STAB1: variants seen among roughly 807,000 people sequenced by gnomAD.
STAB1 encodes the protein stabilin 1, also known as stabilin-1.
Under a neutral mutation model 332.4 loss-of-function variants are expected in STAB1, and 250 were observed. That is an observed-to-expected ratio of 0.75 (90% CI 0.68 to 0.84). The LOEUF (loss-of-function observed/expected upper bound fraction) is 0.84. STAB1 is among the 40% of genes least tolerant of loss of function. The pLI, the probability that STAB1 is intolerant of heterozygous loss-of-function variation, is 0.00. For missense variants in STAB1, 3,249 were observed against 3,489.7 expected, an observed-to-expected ratio of 0.93 and a Z score of 1.74; for synonymous variants, 1,475 against 1,390.4, an observed-to-expected ratio of 1.06 and a Z score of -1.35.
intron 6 of STAB1, 96 bp downstream of exon 6, chr3:52,502,823 G>A: frequency 7.2e-7 from 1 of 1,391,038 alleles, no homozygotes; most frequent in South Asian, 1.2e-5. Context: ...GCCTCAGCAG[G>A]ACCTCCGCCT....
In STAB1 at chr3:52,509,865, T is replaced by C; in HGVS notation, c.2348-5T>C. 1.2e-6 allele frequency: 2 copies of C among 1,612,984 alleles called. No individual in the cohort carries two copies. Among genetic ancestry groups the C allele is most frequent in the Non-Finnish European group, 8.5e-7 (1 of 1,180,004 alleles). ...AGTTTCCTTGCTCCCATCTACTCCA[T>C]ACAGACTGCGGCTGTGTCCATGGTC... On this transcript the variant is annotated splice_polypyrimidine_tract_variant and splice_region_variant and intron_variant, in intron 22 of 68. Transcript: ENST00000321725.
At chr3:52,512,151 T>C (rs1709342252) in intron 26 of STAB1, among the ~76,000 whole-genome samples, 190 bp from the exon 27 acceptor site, 1 of 152,186 alleles carries the variant, frequency 6.6e-6, no homozygotes, top group African/African-American at 2.4e-5. Flanking sequence ...GTAATGCTTG[T>C]GTCAAATGCC....
chr3:52,511,685 T>C lies in STAB1; in HGVS notation c.2823T>C (p.Asp941=). 1 of 1,610,966 alleles carries C rather than the reference T, an allele frequency of 6.2e-7. No individual in the cohort carries two copies. Among genetic ancestry groups the C allele is most frequent in the Non-Finnish European group, 8.5e-7 (1 of 1,178,786 alleles). Residue 941 remains aspartate, a synonymous_variant, in exon 26 of 69, where the codon GAT becomes GAC. Coordinates refer to ENST00000321725, the MANE Select transcript of STAB1 (RefSeq NM_015136.3). ...CCTGCAAGCTGGGCTTTGCCGGGGA[T>C]GGCTACCAGTGCAGCCCCATCGACC... ...RCTCKLGFAG[D]GYQCSPIDPC... is the part of the protein sequence containing the mutation.
rs1333786430 is a variant in STAB1 at position 52,504,114 on chromosome 3, G to T, written c.1109G>T (p.Gly370Val). ...GAGGTGCAGAAGGCCACGCAGACAG[G>T]CCGGGTGTTCCTGCAGCTGAGGGTC... The part of the protein sequence containing the change: ...LHEVQKATQT[G>V]RVFLQLRVAV... Residue 370 changes from glycine (G) to valine (V), a missense_variant, in exon 10 of 69, where the codon GGC (glycine) becomes GTC (valine). Coordinates refer to ENST00000321725, the MANE Select transcript of STAB1 (RefSeq NM_015136.3). 4 of 1,592,384 alleles carry T rather than the reference G, an allele frequency of 2.5e-6. No individual in the cohort carries two copies. The highest frequency in any genetic ancestry group is 3.4e-6 in the Non-Finnish European group (4 of 1,170,290).
chr3:52,521,620 G>T lies in STAB1; in HGVS notation c.6083G>T (p.Arg2028Leu), dbSNP rs140632225. The T allele has an allele frequency of 3.1e-6, 5 of 1,612,894 alleles. No homozygotes were observed. The highest frequency in any genetic ancestry group is 3.3e-5 in the Admixed American group (2 of 59,936). ...GCCTGCCGCTGCACTGTGCATGGCCGCTGTGATGAGGGCCTTGGGGGCTCT... is the reference window on the plus strand; with the variant it reads ...GCCTGCCGCTGCACTGTGCATGGCCTCTGTGATGAGGGCCTTGGGGGCTCT... ...CQACRCTVHG[R>L]CDEGLGGSGS... Residue 2028 changes from arginine to leucine, a missense_variant, in exon 57 of 69, where the codon CGC (arginine) becomes CTC (leucine). Coordinates refer to ENST00000321725, the MANE Select transcript of STAB1 (RefSeq NM_015136.3).
Position 52,518,781 on chromosome 3 carries a change from G to T in STAB1, c.4946G>T (p.Gly1649Val), listed in dbSNP as rs1318749124. 2 of 1,612,300 alleles carry T rather than the reference G, an allele frequency of 1.2e-6. No homozygotes were observed. The highest frequency in any genetic ancestry group is 1.7e-6 in the Non-Finnish European group (2 of 1,179,790). The change falls in exon 48 of 69, where the codon GGC becomes GTC. Residue 1649 changes from glycine to valine, a missense_variant. Gly to Val is a moderately radical substitution (Grantham distance 109, BLOSUM62 -3). Transcript: ENST00000321725. ...RQLVFRYHVV[G>V]CRRLRSEDLL... Reference sequence around the variant, plus strand: ...CTGGTGTTTCGCTACCACGTGGTTGGCTGTCGGCGGCTGCGGAGCGAGGAC... The same window carrying T: ...CTGGTGTTTCGCTACCACGTGGTTGTCTGTCGGCGGCTGCGGAGCGAGGAC...
intron 19 of STAB1, 93 bp from the exon 20 acceptor site, chr3:52,507,838 C>G: frequency 6.8e-7 from 1 of 1,468,594 alleles, no homozygotes; most frequent in South Asian, 1.2e-5. Context: ...AGTTCTGGAC[C>G]CAGGGGGCAG....
At chr3:52,498,910 G>A (rs1708237453) in intron 1 of STAB1, among the ~76,000 whole-genome samples, 2 of 152,354 alleles carry the variant, frequency 1.3e-5, no homozygotes, top group South Asian at 4.1e-4. Context: ...AACACAGGCT[G>A]CTCTGAGCAA....
At chr3:52,507,398 C>T (rs1050958128) in intron 18 of STAB1, among the ~76,000 whole-genome samples, 8 of 152,222 alleles carry the variant, frequency 5.3e-5, no homozygotes, top group Non-Finnish European at 1.0e-4. Context: ...CACTCTGTGC[C>T]TGCCTCTGGC....
chr3:52,517,443 A>G, intron 43 of STAB1, 50 bp downstream of exon 43: 2 of 1,533,630 alleles, frequency 1.3e-6, no homozygotes, highest in South Asian at 2.4e-5. Context: ...CCCTCACAGG[A>G]TGGGGCCTCC....
chr3:52,514,738 T>G lies in STAB1; in HGVS notation c.3716T>G (p.Leu1239Arg). 6.2e-7 allele frequency: 1 copy of G among 1,613,070 alleles called. No individual in the cohort carries two copies. Among genetic ancestry groups the G allele is most frequent in the Non-Finnish European group, 8.5e-7 (1 of 1,180,006 alleles). ...VNHVPLEGPM[L>R]EAPGRSLIGL... ...CATGTGCCACTGGAAGGCCCCATGC[T>G]GGAGGCCCCTGGCCGCTCGCTGATT... Residue 1239 changes from leucine to arginine, a missense_variant, in exon 35 of 69, where the codon CTG (leucine) becomes CGG (arginine). Physicochemically the swap from Leu to Arg is moderately radical, Grantham distance 102. Transcript: ENST00000321725.
intron 5 of STAB1, 126 bp from the exon 6 acceptor site, chr3:52,502,506 G>C: frequency 2.2e-6 from 2 of 901,848 alleles, no homozygotes; most frequent in Non-Finnish European, 3.4e-6. Flanking sequence ...CCGCATCACA[G>C]CTCTGTACTC....
In STAB1 at chr3:52,501,662, T is replaced by TA. The variant is rs1336460847; in HGVS notation, c.241dup (p.Met81AsnfsTer31). The TA allele has an allele frequency of 6.4e-7, 1 of 1,572,252 alleles. No homozygotes were observed. Among genetic ancestry groups the TA allele is most frequent in the Non-Finnish European group, 8.6e-7 (1 of 1,159,692 alleles). ...GCTACGAAGTACAGCTGGGGGGCTC[T>TA]ATGGTGTCCATGAGCGGCTGCAGAC... On this transcript the variant is annotated frameshift_variant, in exon 3 of 69. Transcript: ENST00000321725. LOFTEE classifies it high-confidence loss of function.
rs1008019532 is a variant in STAB1, at chr3:52,504,666, C to A, written c.1240-73C>A. ...GGGCCTGGGATGCATCCTGTCCCCT[C>A]CATTGCTGGGTAGAGGTGGTGTGAA... On this transcript the variant is annotated intron_variant, in intron 11 of 68. Coordinates refer to ENST00000321725, the MANE Select transcript of STAB1 (RefSeq NM_015136.3). 41 of 1,612,288 alleles carry A rather than the reference C, an allele frequency of 2.5e-5. No homozygotes were observed. The Middle Eastern group carries it at 6.6e-4, about 26-fold the overall frequency.
rs764186156 is a variant in STAB1 at position 52,516,533 on chromosome 3, G to GC, written c.4241-3dup. ...TCTGAATGACCAGAGTCATCCTCCT[G>GC]CCCCCCAGAAATCACCAGCCCTCAG... On this transcript the variant is annotated splice_polypyrimidine_tract_variant and intron_variant, in intron 39 of 68. Transcript: ENST00000321725. 2.5e-6 allele frequency: 4 copies of GC among 1,613,280 alleles called. No homozygotes were observed. In the South Asian group the frequency reaches 4.4e-5, roughly 18 times the overall value.
chr3:52,523,572 C>T lies in STAB1; in HGVS notation c.7286C>T (p.Pro2429Leu), dbSNP rs139325080. Reference sequence around the variant, plus strand: ...GGCCCTGACAACAGTTCCTGGGCCCCTGTGGTGAGTCTGGCCACTGTCCCA... The same window carrying T: ...GGCCCTGACAACAGTTCCTGGGCCCTTGTGGTGAGTCTGGCCACTGTCCCA... The part of the protein sequence containing the change: ...DAGPDNSSWA[P>L]VAPGTVVVSR... Residue 2429 changes from proline (P) to leucine (L), a missense_variant, in exon 65 of 69, where the codon CCT becomes CTT. Coordinates refer to ENST00000321725, the MANE Select transcript of STAB1 (RefSeq NM_015136.3). The T allele has an allele frequency of 1.2e-6, 2 of 1,612,784 alleles. No individual in the cohort carries two copies. The highest frequency in any genetic ancestry group is 8.5e-7 in the Non-Finnish European group (1 of 1,179,994).
Position 52,517,610 on chromosome 3 carries a change from G to C in STAB1, c.4624G>C (p.Asp1542His). 6.2e-7 allele frequency: 1 copy of C among 1,612,848 alleles called. No individual in the cohort carries two copies. Among genetic ancestry groups the C allele is most frequent in the Non-Finnish European group, 8.5e-7 (1 of 1,179,902 alleles). The change falls in exon 44 of 69, where the codon GAC becomes CAC. Residue 1542 changes from aspartate (D) to histidine (H), a missense_variant. By Grantham distance (81) the Asp-to-His change is moderately conservative (BLOSUM62 -1). Coordinates refer to ENST00000321725, the MANE Select transcript of STAB1 (RefSeq NM_015136.3). ...GDGIRTCELLDPCSKNNGGCS... is the reference protein window; with the variant it reads ...GDGIRTCELLHPCSKNNGGCS... ...TGGCATCCGGACCTGCGAGCTCCTGGACCCCTGCTCTAAGGTCAGGACCCT... is the reference window on the plus strand; with the variant it reads ...TGGCATCCGGACCTGCGAGCTCCTGCACCCCTGCTCTAAGGTCAGGACCCT...
chr3:52,520,013 G>T lies in STAB1; in HGVS notation c.5305G>T (p.Ala1769Ser), dbSNP rs560575582. ...CTTCACAATGCTGTGGCCCACAGAC[G>T]CCGCCTTTCGAGCTCTGCCTCCGGA... The part of the protein sequence containing the change: ...RPFTMLWPTD[A>S]AFRALPPDRQ... The change falls in exon 51 of 69, where the codon GCC (alanine) becomes TCC (serine). Residue 1769 changes from alanine (A) to serine (S), a missense_variant. Ala to Ser is a moderately conservative substitution (Grantham distance 99, BLOSUM62 1). Transcript: ENST00000321725. The T allele has an allele frequency of 3.1e-5, 50 of 1,612,194 alleles. No individual in the cohort carries two copies. The Middle Eastern group carries it at 6.6e-4, about 21-fold the overall frequency.
rs1168512691 is a variant in STAB1 at position 52,521,441 on chromosome 3, T to C, written c.5989T>C (p.Cys1997Arg). The C allele has an allele frequency of 1.2e-6, 2 of 1,614,038 alleles. No homozygotes were observed. The highest frequency in any genetic ancestry group is 1.7e-5 in the Admixed American group (1 of 60,026). Reference protein sequence around the residue: ...DGMSGSGQCLCRSGFAGTACE... With the variant: ...DGMSGSGQCLRRSGFAGTACE... The stretch of plus-strand genomic sequence containing the variant: ...CATGAGTGGCAGTGGGCAGTGTCTG[T>C]GCCGTTCAGGTTTTGCTGGGACAGC... The change falls in exon 56 of 69, where the codon TGC becomes CGC. Residue 1997 changes from cysteine to arginine, a missense_variant. Physicochemically the swap from Cys to Arg is radical, Grantham distance 180. Coordinates refer to ENST00000321725, the MANE Select transcript of STAB1 (RefSeq NM_015136.3).
Sources: gnomAD v4.1 joint callset for allele counts (sites outside exome capture counted in the v4.1 genomes callset) on GRCh38, gnomAD v4.1.1 for gene constraint, MANE v1.5 for transcripts, NCBI Gene and HGNC (gene_info 2026-07-23, HGNC 2026-07-21) for gene names.